C19orf12: variants seen among roughly 807,000 people sequenced by gnomAD.
The protein encoded by C19orf12 is chromosome 19 open reading frame 12.
A neutral mutation model predicts 3.8 loss-of-function variants in C19orf12; 2 were observed. The observed-to-expected ratio is 0.53, with a 90% CI of 0.22 to 1.66. C19orf12 has a LOEUF of 1.66. Ranked by LOEUF, C19orf12 falls within the 40% of genes most tolerant of loss-of-function variation. The pLI is 0.20. For synonymous variants in C19orf12, 89 were observed against 84.6 expected (o/e 1.05, Z -0.28); for missense variants, 156 against 188.8 (o/e 0.83, Z 1.02).
rs8108225 is a variant in C19orf12, at chr19:29,699,645, C to G, written c.*3067G>C. 2.2e-6 allele frequency: 1 copy of G among 453,788 alleles called. No homozygotes were observed. Among genetic ancestry groups the G allele is most frequent in the East Asian group, 6.9e-5 (1 of 14,392 alleles). The allele number at this position is 453,788 out of a possible 1,614,324, so 28.1% of individuals were successfully genotyped here. A position where few individuals can be genotyped will look rare whatever the true frequency, so the allele number is the denominator to read the frequency against. ...CTGGGTTTTTCTAGGTTTTCAGCAA[C>G]AAATACTGACAAAAGGAAATGAACA... On this transcript the variant is annotated 3_prime_UTR_variant, in exon 3 of 3. Coordinates refer to ENST00000323670, the MANE Select transcript of C19orf12 (RefSeq NM_031448.6).
At position 29,699,520 on chromosome 19, in the gene C19orf12, G is replaced by A. The variant is rs8107268; in HGVS notation, c.*3192C>T. On this transcript the variant is annotated 3_prime_UTR_variant, in exon 3 of 3. Coordinates refer to ENST00000323670, the MANE Select transcript of C19orf12 (RefSeq NM_031448.6). ...AAGAAAAAAAGAAAAAAATATATGT[G>A]TACCTACATAGCATTAAAACAATTG... The A allele has an allele frequency of 7.6e-5, 34 of 450,076 alleles. No individual in the cohort carries two copies. The highest frequency in any genetic ancestry group is 6.5e-4 in the African/African-American group (32 of 49,582). 27.9% of individuals were successfully genotyped at this position (450,076 alleles called of 1,614,324 possible).
chr19:29,714,969 T>C lies in C19orf12; in HGVS notation c.-11+156A>G, dbSNP rs1434939546. The C allele has an allele frequency of 3.4e-5, 24 of 713,924 alleles. No homozygotes were observed. The East Asian group carries it at 6.2e-4, about 19-fold the overall frequency. 44.2% of individuals were successfully genotyped at this position (713,924 alleles called of 1,614,324 possible). On this transcript the variant is annotated intron_variant, in intron 1 of 2. Transcript: ENST00000323670. ...ATAGGGACAATGACTACACTAACAG[T>C]GTCCACCCCGGCACCGGGAGGGCCG... is the stretch of plus-strand genomic sequence containing the variant.
At chr19:29,703,728 T>C (rs1041094977) in intron 2 of C19orf12, among the ~76,000 whole-genome samples, 3 of 152,174 alleles carry the variant, frequency 2.0e-5, no homozygotes, top group South Asian at 4.1e-4. Context: ...CGGTGGCTCA[T>C]GCCTGTAATA....
At chr19:29,708,881 G>T (rs56151257) in intron 1 of C19orf12, among the ~76,000 whole-genome samples, 1,541 of 152,300 alleles carry the variant, frequency 0.01, 22 homozygotes, top group African/African-American at 0.036. Context: ...GGGACCCTGT[G>T]ACCACACGGG....
Position 29,699,184 on chromosome 19 carries a change from T to C in C19orf12, c.*3528A>G. 2 of 453,884 alleles carry C rather than the reference T, an allele frequency of 4.4e-6. No homozygotes were observed. Among genetic ancestry groups the C allele is most frequent in the South Asian group, 3.1e-5 (2 of 64,472 alleles). The allele number at this position is 453,884 out of a possible 1,614,324, so 28.1% of individuals were successfully genotyped here. ...CAAGTACGTTAGAAATATACATACA[T>C]AGGCCGGGCGCAGTGGCTCACGCCT... On this transcript the variant is annotated 3_prime_UTR_variant, in exon 3 of 3. Coordinates refer to ENST00000323670, the MANE Select transcript of C19orf12 (RefSeq NM_031448.6).
At position 29,701,544 on chromosome 19, in the gene C19orf12, T is replaced by G. The variant is rs1173467511; in HGVS notation, c.*1168A>C. 2.2e-6 allele frequency: 1 copy of G among 454,134 alleles called. No individual in the cohort carries two copies. The highest frequency in any genetic ancestry group is 4.4e-6 in the Non-Finnish European group (1 of 226,808). The allele number at this position is 454,134 out of a possible 1,614,324, so 28.1% of individuals were successfully genotyped here. A position where few individuals can be genotyped will look rare whatever the true frequency, so the allele number is the denominator to read the frequency against. Reference sequence around the variant, plus strand: ...TATTTCCTATCCAAGGCTGGTTGGATCTAAATGTGGAGACCACAGTTACGG... The same window carrying G: ...TATTTCCTATCCAAGGCTGGTTGGAGCTAAATGTGGAGACCACAGTTACGG... On this transcript the variant is annotated 3_prime_UTR_variant, in exon 3 of 3. Coordinates refer to ENST00000323670, the MANE Select transcript of C19orf12 (RefSeq NM_031448.6).
chr19:29,707,382 TAAAG>T (rs372700182), intron 2 of C19orf12, among the ~76,000 whole-genome samples: 10 of 152,162 alleles, frequency 6.6e-5, no homozygotes, highest in African/African-American at 2.2e-4. Flanking sequence ...AAGCAGGTGG[TAAAG>T]GAGGTGGGCA....
At chr19:29,715,645 A>G (rs1389475611), upstream of C19orf12, 1 of 198,222 alleles carries the variant, frequency 5.0e-6, no homozygotes, top group Non-Finnish European at 1.1e-5. Context: ...GCCTGGGCAC[A>G]GAAGAGAGCA....
At chr19:29,709,369 C>T (rs2866311) in intron 1 of C19orf12, among the ~76,000 whole-genome samples, 11 of 152,250 alleles carry the variant, frequency 7.2e-5, no homozygotes, top group East Asian at 1.9e-4. Flanking sequence ...AAAGGGGCCA[C>T]GAGGTGGGGG....
chr19:29,709,952 G>A (rs1413552456), intron 1 of C19orf12, among the ~76,000 whole-genome samples: 2 of 152,086 alleles, frequency 1.3e-5, no homozygotes, highest in Non-Finnish European at 1.5e-5. Flanking sequence ...GCTGACTGCA[G>A]CCTTGAACTC....
intron 1 of C19orf12, among the ~76,000 whole-genome samples, chr19:29,708,814 G>C: frequency 6.6e-6 from 1 of 152,342 alleles, no homozygotes; most frequent in South Asian, 2.1e-4. Flanking sequence ...AGCAGAGAAC[G>C]GGAAGTCCCG....
intron 2 of C19orf12, chr19:29,705,401 C>CAAAA: frequency 1.5e-5 from 1 of 68,654 alleles, no homozygotes; most frequent in Admixed American, 1.9e-4. Flanking sequence ...GATCCTGAAA[C>CAAAA]CAAAAAAAAA....
In C19orf12 at chr19:29,701,279, C is replaced by T; in HGVS notation, c.*1433G>A. On this transcript the variant is annotated 3_prime_UTR_variant, in exon 3 of 3. Coordinates refer to ENST00000323670, the MANE Select transcript of C19orf12 (RefSeq NM_031448.6). Reference sequence around the variant, plus strand: ...CCATGGGGGATGGGTTCCAGGACTGCAACCTCAACCCTCAGACACCGACAT... The same window carrying T: ...CCATGGGGGATGGGTTCCAGGACTGTAACCTCAACCCTCAGACACCGACAT... The T allele has an allele frequency of 2.2e-6, 1 of 454,164 alleles. No homozygotes were observed. The allele number at this position is 454,164 out of a possible 1,614,324, so 28.1% of individuals were successfully genotyped here.
Position 29,702,998 on chromosome 19 carries a change from C to T in C19orf12, c.161-21G>A, listed in dbSNP as rs748424774. On this transcript the variant is annotated intron_variant, in intron 2 of 2. Transcript: ENST00000323670. ...CCCCCCTAGAAAACATGGAATCGTT[C>T]AATTAGTGGGTCTTATTCATAAGCG... 7 of 1,613,846 alleles carry T rather than the reference C, an allele frequency of 4.3e-6. No individual in the cohort carries two copies. In the East Asian group the frequency reaches 1.3e-4, roughly 31 times the overall value.
rs1188329928 is a variant in C19orf12, at chr19:29,700,511, A to T, written c.*2201T>A. 2.2e-6 allele frequency: 1 copy of T among 454,152 alleles called. No homozygotes were observed. Among genetic ancestry groups the T allele is most frequent in the Non-Finnish European group, 4.4e-6 (1 of 226,794 alleles). The allele number at this position is 454,152 out of a possible 1,614,324, so 28.1% of individuals were successfully genotyped here. ...ATTTTTAGTTCCAGGGTCCGTATGCAGGACTTATTTGCAGGAAGAGCAGGA... is the reference window on the plus strand; with the variant it reads ...ATTTTTAGTTCCAGGGTCCGTATGCTGGACTTATTTGCAGGAAGAGCAGGA... On this transcript the variant is annotated 3_prime_UTR_variant, in exon 3 of 3. Coordinates refer to ENST00000323670, the MANE Select transcript of C19orf12 (RefSeq NM_031448.6).
At position 29,699,398 on chromosome 19, in the gene C19orf12, G is replaced by A. The variant is rs779057343; in HGVS notation, c.*3314C>T. On this transcript the variant is annotated 3_prime_UTR_variant, in exon 3 of 3. Coordinates refer to ENST00000323670, the MANE Select transcript of C19orf12 (RefSeq NM_031448.6). The stretch of plus-strand genomic sequence containing the variant: ...CTCGGGAGGCTGAGGCAGGAGAATG[G>A]CTTGAACCCAGGAGGCAGAGCTTGC... 5 of 385,222 alleles carry A rather than the reference G, an allele frequency of 1.3e-5. No homozygotes were observed. The highest frequency in any genetic ancestry group is 4.0e-5 in the South Asian group (2 of 50,602). The allele number at this position is 385,222 out of a possible 1,614,324, so 23.9% of individuals were successfully genotyped here.
rs1298758495 is a variant in C19orf12 at position 29,702,707 on chromosome 19, G to A, written c.*5C>T. 2.5e-6 allele frequency: 4 copies of A among 1,613,228 alleles called. No homozygotes were observed. Among genetic ancestry groups the A allele is most frequent in the Admixed American group, 1.7e-5 (1 of 60,008 alleles). ...AGGGGCCCCCCACCTCCCCGGAGGT[G>A]CGGCCTAGTCATCATACTGGATCTC... On this transcript the variant is annotated 3_prime_UTR_variant, in exon 3 of 3. Transcript: ENST00000323670.
intron 1 of C19orf12, among the ~76,000 whole-genome samples, chr19:29,713,942 CTTTT>C (rs1460302000): frequency 1.7e-4 from 25 of 143,264 alleles, no homozygotes; most frequent in African/African-American, 7.2e-4. Flanking sequence ...ATCCCTCTTT[CTTTT>C]TTTCTTTCTT....
intron 1 of C19orf12, among the ~76,000 whole-genome samples, chr19:29,711,842 G>A (rs887927096): frequency 7.9e-5 from 12 of 152,206 alleles, no homozygotes; most frequent in Admixed American, 5.9e-4. Context: ...AGGCTAAAGA[G>A]ATGTCCTTGC....
Sources: gnomAD v4.1 joint callset for allele counts (sites outside exome capture counted in the v4.1 genomes callset) on GRCh38, gnomAD v4.1.1 for gene constraint, MANE v1.5 for transcripts, NCBI Gene and HGNC (gene_info 2026-07-23, HGNC 2026-07-21) for gene names.